The following DCC variants were observed in gnomAD, a reference collection of about 807,000 sequenced individuals.
DCC encodes DCC netrin 1 receptor, also known as netrin receptor DCC.
In DCC, 58 loss-of-function variants were observed where a neutral mutation model predicts 172.5. The ratio of observed to expected loss-of-function variants is 0.34; its 90% CI spans 0.27 to 0.42. The LOEUF (loss-of-function observed/expected upper bound fraction) is 0.42, where lower values mean the gene tolerates loss of function less well. Ranked by LOEUF, DCC falls within the 10% of genes least tolerant of loss-of-function variation. The pLI is 1.00. For synonymous variants in DCC, 709 were observed against 644.5 expected, an observed-to-expected ratio of 1.10 and a Z score of -1.52; for missense variants, 1,740 against 1,791.0, an observed-to-expected ratio of 0.97 and a Z score of 0.51.
chr18:52,959,783 G>A (rs1376330680), intron 5 of DCC, among the ~76,000 whole-genome samples: 3 of 152,018 alleles, frequency 2.0e-5, no homozygotes, highest in Non-Finnish European at 4.4e-5. Flanking sequence ...TTTTTGCTAT[G>A]CATCTGGTTT....
chr18:53,068,787 G>GTGTGTA (rs2042610741), intron 7 of DCC, among the ~76,000 whole-genome samples: 2 of 151,350 alleles, frequency 1.3e-5, no homozygotes, highest in Admixed American at 1.3e-4. Flanking sequence ...GTGTGTGTGT[G>GTGTGTA]TGTGTGTGTG....
intron 1 of DCC, among the ~76,000 whole-genome samples, chr18:52,586,295 A>G (rs997076778): frequency 2.0e-5 from 3 of 152,122 alleles, no homozygotes; most frequent in African/African-American, 2.4e-5. Context: ...TAGTTTTATT[A>G]TGATTTATAT....
At chr18:52,788,723 C>A (rs185564389) in intron 2 of DCC, among the ~76,000 whole-genome samples, 1 of 152,076 alleles carries the variant, frequency 6.6e-6, no homozygotes, top group African/African-American at 2.4e-5. Flanking sequence ...GGCTTCAGGG[C>A]GGAGCCCTTG....
chr18:52,933,169 T>C lies in DCC; in HGVS notation c.985+7799T>C, dbSNP rs1233080891. Among the ~76,000 whole-genome samples, 2 of 152,118 alleles carry C rather than the reference T, an allele frequency of 1.3e-5. 1 individual carries two copies. Among genetic ancestry groups the C allele is most frequent in the African/African-American group, 4.8e-5 (2 of 41,434 alleles). On this transcript the variant is annotated intron_variant, in intron 5 of 28. Coordinates refer to ENST00000442544, the MANE Select transcript of DCC (RefSeq NM_005215.4). ...TGAATATAGTTTCTAGTCCTAGATATGCAGCTGAACCACAGTGTGAGTAGA... is the reference window on the plus strand; with the variant it reads ...TGAATATAGTTTCTAGTCCTAGATACGCAGCTGAACCACAGTGTGAGTAGA...
At chr18:52,704,944 A>G (rs566738815) in intron 1 of DCC, among the ~76,000 whole-genome samples, 1 of 152,276 alleles carries the variant, frequency 6.6e-6, no homozygotes, top group Admixed American at 6.5e-5. Context: ...GGTATGGCTA[A>G]TCATGCCTCT....
At chr18:52,585,899 C>G (rs767549118) in intron 1 of DCC, among the ~76,000 whole-genome samples, 3 of 151,912 alleles carry the variant, frequency 2.0e-5, no homozygotes, top group Non-Finnish European at 4.4e-5. Flanking sequence ...TTGGCTAACA[C>G]GGTGAAACCC....
intron 22 of DCC, among the ~76,000 whole-genome samples, chr18:53,436,899 T>C (rs916383437): frequency 1.3e-5 from 2 of 152,122 alleles, no homozygotes; most frequent in African/African-American, 4.8e-5. Flanking sequence ...TGCTTCACAG[T>C]TGATGCCTTC....
chr18:52,814,428 G>A (rs2038254564), intron 2 of DCC, among the ~76,000 whole-genome samples: 1 of 152,200 alleles, frequency 6.6e-6, no homozygotes. Context: ...GGGAGAAAGA[G>A]AACTCTGACA....
intron 19 of DCC, among the ~76,000 whole-genome samples, chr18:53,406,697 C>T (rs1344474104): frequency 4.6e-5 from 5 of 107,738 alleles, no homozygotes; most frequent in East Asian, 2.4e-4. Flanking sequence ...GAGCAAGACT[C>T]TGTCTCAAAA....
At chr18:53,316,338 G>A (rs2057343601) in intron 13 of DCC, among the ~76,000 whole-genome samples, 1 of 152,150 alleles carries the variant, frequency 6.6e-6, no homozygotes, top group South Asian at 2.1e-4. Flanking sequence ...CCAGTACCAT[G>A]CTGTTTTGTT....
intron 1 of DCC, among the ~76,000 whole-genome samples, chr18:52,418,668 T>G (rs964636040): frequency 5.3e-5 from 8 of 152,020 alleles, no homozygotes; most frequent in East Asian, 3.9e-4. Context: ...CATTCACAGG[T>G]GCAACCTCTC....
intron 1 of DCC, among the ~76,000 whole-genome samples, chr18:52,622,429 G>T (rs1182393033): frequency 6.6e-6 from 1 of 152,170 alleles, no homozygotes; most frequent in African/African-American, 2.4e-5. Context: ...TGGGTCCCAA[G>T]AATTTACTTT....
In DCC at chr18:53,376,665, C is replaced by T. The variant is rs535983585; in HGVS notation, c.2360-9378C>T. 4.6e-5 allele frequency among the ~76,000 whole-genome samples: 7 copies of T among 152,252 alleles called. No individual in the cohort carries two copies. In the South Asian group the frequency reaches 1.5e-3, roughly 32 times the overall value. On this transcript the variant is annotated intron_variant, in intron 15 of 28. Coordinates refer to ENST00000442544, the MANE Select transcript of DCC (RefSeq NM_005215.4). ...AGCTCCAAAGAAAGAGGCCACCATACCACAGGTTTTTTTACACAATTCTTA... is the reference window on the plus strand; with the variant it reads ...AGCTCCAAAGAAAGAGGCCACCATATCACAGGTTTTTTTACACAATTCTTA...
chr18:53,374,714 A>G (rs552608046), intron 15 of DCC, among the ~76,000 whole-genome samples: 1 of 152,300 alleles, frequency 6.6e-6, no homozygotes, highest in South Asian at 2.1e-4. Context: ...CCACACACAT[A>G]CACACAGTCT....
At chr18:52,381,157 AAAATC>A (rs1317295743) in intron 1 of DCC, among the ~76,000 whole-genome samples, 3 of 152,160 alleles carry the variant, frequency 2.0e-5, no homozygotes, top group Non-Finnish European at 2.9e-5. Context: ...ATTAAGAAAA[AAAATC>A]AAATCAAGTT....
chr18:53,345,682 G>A (rs1434309374), intron 15 of DCC, among the ~76,000 whole-genome samples: 10 of 151,656 alleles, frequency 6.6e-5, no homozygotes, highest in African/African-American at 2.4e-4. Context: ...TCTTCGTTTT[G>A]CTTTATCTGA....
At chr18:53,152,067 G>A (rs575290817) in intron 7 of DCC, among the ~76,000 whole-genome samples, 45 of 152,194 alleles carry the variant, frequency 3.0e-4, no homozygotes, top group Non-Finnish European at 5.1e-4. Context: ...TTATTTCACT[G>A]ACAATATCTA....
At chr18:53,106,822 T>C (rs1265591551) in intron 7 of DCC, among the ~76,000 whole-genome samples, 2 of 151,958 alleles carry the variant, frequency 1.3e-5, no homozygotes, top group Non-Finnish European at 2.9e-5. Flanking sequence ...TGTTTCAATA[T>C]AAGGTAACAA....
chr18:53,145,054 G>A (rs1370190731), intron 7 of DCC, among the ~76,000 whole-genome samples: 1 of 148,044 alleles, frequency 6.8e-6, no homozygotes, highest in East Asian at 2.0e-4. Flanking sequence ...CCATTGTGGT[G>A]GTATTAAGTG....
Sources: gnomAD v4.1 joint callset for allele counts (sites outside exome capture counted in the v4.1 genomes callset) on GRCh38, gnomAD v4.1.1 for gene constraint, MANE v1.5 for transcripts, NCBI Gene and HGNC (gene_info 2026-07-23, HGNC 2026-07-21) for gene names.